Variants in ATP8A2 observed in about 807,000 individuals in gnomAD.
The protein encoded by ATP8A2 is phospholipid-transporting ATPase IB.
ATP8A2 carries 100 observed loss-of-function variants against 165.6 expected under a neutral mutation model. The ratio of observed to expected loss-of-function variants is 0.60; its 90% confidence interval spans 0.51 to 0.71. ATP8A2 has a LOEUF of 0.71. ATP8A2 is among the 30% of genes least tolerant of loss of function. The pLI is 0.00. For missense variants in ATP8A2, 1,227 were observed against 1,479.5 expected, an observed-to-expected ratio of 0.83 and a Z score of 2.80; for synonymous variants, 543 against 548.8, an observed-to-expected ratio of 0.99 and a Z score of 0.15.
At chr13:25,470,726 A>C (rs1014809805) in intron 2 of ATP8A2, among the ~76,000 whole-genome samples, 1 of 152,236 alleles carries the variant, frequency 6.6e-6, no homozygotes, top group Non-Finnish European at 1.5e-5. Context: ...CCATCAGCTG[A>C]TGAATGAATA....
chr13:25,921,391 G>T (rs1954449922), intron 33 of ATP8A2, among the ~76,000 whole-genome samples: 1 of 151,830 alleles, frequency 6.6e-6, no homozygotes, highest in South Asian at 2.1e-4. Context: ...GCTGAGGCGG[G>T]TGGATCACGA....
chr13:25,984,089 T>A (rs1956224540), intron 35 of ATP8A2, among the ~76,000 whole-genome samples: 1 of 151,660 alleles, frequency 6.6e-6, no homozygotes. Flanking sequence ...TAAAAAAAAT[T>A]AGCCAGGTGT....
intron 33 of ATP8A2, among the ~76,000 whole-genome samples, chr13:25,918,938 A>C (rs1374961526): frequency 6.6e-6 from 1 of 152,252 alleles, no homozygotes; most frequent in East Asian, 1.9e-4. Context: ...GGAGCTAAAC[A>C]GCAAGAAAAG....
intron 24 of ATP8A2, among the ~76,000 whole-genome samples, chr13:25,668,450 A>G (rs1390533741): frequency 6.6e-6 from 1 of 151,880 alleles, no homozygotes; most frequent in African/African-American, 2.4e-5. Context: ...TGTTTTCAAG[A>G]TTCTCTCTTT....
intron 7 of ATP8A2, 31 bp downstream of exon 7, chr13:25,538,092 A>G (rs762655944): frequency 1.3e-6 from 2 of 1,564,264 alleles, no homozygotes; most frequent in South Asian, 2.2e-5. Context: ...CCTTTTTTGC[A>G]ATAAATGTTA....
chr13:25,575,435 A>G (rs975851574), intron 19 of ATP8A2, among the ~76,000 whole-genome samples: 4 of 152,314 alleles, frequency 2.6e-5, no homozygotes, highest in Non-Finnish European at 4.4e-5. Flanking sequence ...TTATAAGGAA[A>G]CATATCTTAA....
chr13:25,571,670 C>T lies in ATP8A2; in HGVS notation c.1640C>T (p.Pro547Leu), dbSNP rs866533935. ...GGCTTTGTCTTCACAGCCAGAACACCATTCTCAGTCATCATAGAAGCGGTG... is the reference window on the plus strand; with the variant it reads ...GGCTTTGTCTTCACAGCCAGAACACTATTCTCAGTCATCATAGAAGCGGTG... ...KLGFVFTART[P>L]FSVIIEAMGQ... is the part of the protein sequence containing the mutation. Residue 547 changes from proline to leucine, a missense_variant, in exon 18 of 37, where the codon CCA (proline) becomes CTA (leucine). Pro to Leu is a moderately conservative substitution (Grantham distance 98, BLOSUM62 -3). Transcript: ENST00000381655. 2 of 1,614,074 alleles carry T rather than the reference C, an allele frequency of 1.2e-6. No individual in the cohort carries two copies. The highest frequency in any genetic ancestry group is 1.7e-6 in the Non-Finnish European group (2 of 1,179,938).
chr13:25,535,356 C>T (rs1314361611), intron 6 of ATP8A2, among the ~76,000 whole-genome samples: 1 of 152,182 alleles, frequency 6.6e-6, no homozygotes, highest in African/African-American at 2.4e-5. Context: ...ATCTCAGTGG[C>T]TTTGATTGAC....
At chr13:26,001,713 A>G (rs1313797279) in intron 35 of ATP8A2, among the ~76,000 whole-genome samples, 1 of 151,878 alleles carries the variant, frequency 6.6e-6, no homozygotes, top group Non-Finnish European at 1.5e-5. Context: ...TTTTTTAATC[A>G]AGTTGTTTGT....
intron 31 of ATP8A2, 25 bp from the exon 32 acceptor site, chr13:25,860,779 T>C: frequency 6.4e-7 from 1 of 1,566,208 alleles, no homozygotes; most frequent in South Asian, 1.1e-5. Context: ...ATAATGTGTT[T>C]CCAAACTGTC....
intron 15 of ATP8A2, among the ~76,000 whole-genome samples, chr13:25,563,749 C>T (rs1203276376): frequency 4.6e-5 from 7 of 151,986 alleles, no homozygotes; most frequent in Non-Finnish European, 1.5e-5. Context: ...TACAATAACT[C>T]GTAAAGTATC....
intron 30 of ATP8A2, among the ~76,000 whole-genome samples, chr13:25,843,857 G>A (rs541506198): frequency 1.1e-3 from 167 of 152,256 alleles, no homozygotes; most frequent in Non-Finnish European, 1.7e-3. Context: ...GGTAGGGGCT[G>A]GAAAAGGGAA....
intron 24 of ATP8A2, among the ~76,000 whole-genome samples, chr13:25,689,234 C>T (rs2042671691): frequency 6.6e-6 from 1 of 152,198 alleles, no homozygotes; most frequent in Non-Finnish European, 1.5e-5. Flanking sequence ...CTGGTTTTGT[C>T]TTAAAGCAGA....
intron 1 of ATP8A2, among the ~76,000 whole-genome samples, chr13:25,434,540 G>A (rs138807077): frequency 0.014 from 2,177 of 152,046 alleles, 24 homozygotes; most frequent in Non-Finnish European, 0.026. Context: ...GTAGAGGTAG[G>A]GTTTTGCCAT....
intron 33 of ATP8A2, among the ~76,000 whole-genome samples, chr13:25,959,187 CCT>C (rs1366761300): frequency 5.9e-5 from 9 of 152,186 alleles, no homozygotes; most frequent in Admixed American, 3.9e-4. Context: ...TGATCCAATC[CCT>C]TTCTTGTGGT....
intron 1 of ATP8A2, among the ~76,000 whole-genome samples, chr13:25,412,250 A>G (rs1001423538): frequency 1.3e-5 from 2 of 152,204 alleles, no homozygotes; most frequent in African/African-American, 4.8e-5. Flanking sequence ...GAGTTATTTA[A>G]TGATGGGCAG....
intron 1 of ATP8A2, among the ~76,000 whole-genome samples, chr13:25,382,448 C>G (rs1239473079): frequency 6.6e-6 from 1 of 152,082 alleles, no homozygotes; most frequent in Admixed American, 6.5e-5. Flanking sequence ...GGGAAAATTC[C>G]AAGGAGTGTG....
intron 2 of ATP8A2, among the ~76,000 whole-genome samples, chr13:25,480,365 G>A (rs930202491): frequency 3.3e-5 from 5 of 151,892 alleles, no homozygotes; most frequent in Non-Finnish European, 5.9e-5. Context: ...CAGACTGGGT[G>A]GCTGCCGGGC....
At chr13:26,013,369 C>G (rs903938360) in intron 36 of ATP8A2, among the ~76,000 whole-genome samples, 1 of 152,094 alleles carries the variant, frequency 6.6e-6, no homozygotes, top group African/African-American at 2.4e-5. Context: ...TAGAGGGAAA[C>G]GACTGGTAGA....
Sources: allele counts gnomAD v4.1 joint callset (sites outside exome capture counted in the v4.1 genomes callset), GRCh38; gene constraint gnomAD v4.1.1; transcripts MANE v1.5; gene names NCBI Gene and HGNC (gene_info 2026-07-23, HGNC 2026-07-21).